Variants in CMC2 observed in about 807,000 individuals in gnomAD.
The protein encoded by CMC2 is COX assembly mitochondrial protein 2 homolog.
In CMC2, 5 loss-of-function variants were observed where a neutral mutation model predicts 7.5. The observed-to-expected ratio is 0.66, with a 90% confidence interval of 0.35 to 1.40. The LOEUF is 1.40. Among genes scored for constraint, CMC2 ranks in the 40% most tolerant of loss-of-function variants. The pLI, the probability that CMC2 is intolerant of heterozygous loss-of-function variation, is 0.04. For missense variants in CMC2, 115 were observed against 92.3 expected (o/e 1.25, Z -1.01); for synonymous variants, 37 against 31.4 (o/e 1.18, Z -0.60).
rs937285394 is a variant in CMC2, at chr16:80,973,152, G to A, written c.*2941C>T. ...CATGGAATAAGATGCAGCCACCCCT[G>A]GGACTGGCTTCCTCTATGGAAAGGC... On this transcript the variant is annotated 3_prime_UTR_variant, in exon 4 of 4. Coordinates refer to ENST00000219400, the MANE Select transcript of CMC2 (RefSeq NM_020188.5). 2 of 152,302 alleles carry A rather than the reference G, an allele frequency of 1.3e-5. No homozygotes were observed. The highest frequency in any genetic ancestry group is 2.9e-5 in the Non-Finnish European group (2 of 68,110). 9.4% of individuals were successfully genotyped at this position (152,302 alleles called of 1,614,324 possible). A position where few individuals can be genotyped will look rare whatever the true frequency, so the allele number is the denominator to read the frequency against.
intron 2 of CMC2, among the ~76,000 whole-genome samples, chr16:80,994,807 C>G (rs1460363402): frequency 1.3e-5 from 2 of 152,160 alleles, no homozygotes; most frequent in African/African-American, 4.8e-5. Context: ...TCATTCCATT[C>G]CTAGGTATTT....
intron 1 of CMC2, among the ~76,000 whole-genome samples, chr16:81,005,223 C>G (rs982763486): frequency 2.0e-5 from 3 of 152,172 alleles, no homozygotes; most frequent in Admixed American, 6.5e-5. Context: ...GAGGTCAGGA[C>G]AAGCCTGGCC....
Position 80,966,522 on chromosome 16 carries a change from GA to G in CMC2, c.*9570del, listed in dbSNP as rs1203715802. The stretch of plus-strand genomic sequence containing the variant: ...TTGTATCTTGTTTTGGTCTTAGGTT[GA>G]AAATCTTGGTTTCTACTGACACTAA... On this transcript the variant is annotated 3_prime_UTR_variant, in exon 4 of 4. Transcript: ENST00000219400. The G allele has an allele frequency of 2.0e-5, 3 of 152,114 alleles. No homozygotes were observed. The highest frequency in any genetic ancestry group is 4.4e-5 in the Non-Finnish European group (3 of 68,018). The allele number at this position is 152,114 out of a possible 1,614,324, so 9.4% of individuals were successfully genotyped here.
chr16:80,991,826 G>A (rs910769845), intron 2 of CMC2: 1 of 406,460 alleles, frequency 2.5e-6, no homozygotes, highest in African/African-American at 2.1e-5. Flanking sequence ...TCAAACAGAG[G>A]AGCATTCTAC....
At chr16:80,989,775 G>A (rs1256592741) in intron 2 of CMC2, among the ~76,000 whole-genome samples, 4 of 152,106 alleles carry the variant, frequency 2.6e-5, no homozygotes, top group East Asian at 1.9e-4. Context: ...CAACATCACA[G>A]GATACATCCT....
intron 2 of CMC2, among the ~76,000 whole-genome samples, chr16:80,988,290 C>G (rs77739866): frequency 0.037 from 5,657 of 152,236 alleles, 342 homozygotes; most frequent in African/African-American, 0.12. Context: ...CATGGTCTCA[C>G]TCCGTTGCCC....
Position 80,975,998 on chromosome 16 carries a change from A to G in CMC2, c.*95T>C. ...CTCTCACAGGTCACTTTCCATTCAA[A>G]GGATTATGGAGACCAAATAAGACAG... On this transcript the variant is annotated 3_prime_UTR_variant, in exon 4 of 4. Coordinates refer to ENST00000219400, the MANE Select transcript of CMC2 (RefSeq NM_020188.5). 1 of 717,338 alleles carries G rather than the reference A, an allele frequency of 1.4e-6. No individual in the cohort carries two copies. The highest frequency in any genetic ancestry group is 2.5e-6 in the Non-Finnish European group (1 of 406,508). 44.4% of individuals were successfully genotyped at this position (717,338 alleles called of 1,614,324 possible).
intron 3 of CMC2, among the ~76,000 whole-genome samples, chr16:80,980,022 G>C (rs974089573): frequency 6.7e-6 from 1 of 150,096 alleles, no homozygotes; most frequent in Admixed American, 6.6e-5. Flanking sequence ...GGGCTCAAGC[G>C]ATCCTCCCGC....
intron 3 of CMC2, among the ~76,000 whole-genome samples, chr16:80,977,369 A>G (rs372268926): frequency 2.6e-5 from 4 of 152,332 alleles, no homozygotes; most frequent in African/African-American, 9.6e-5. Context: ...ATATATGTAC[A>G]TGCTTATAAT....
At chr16:81,003,989 G>A (rs1191241101) in intron 1 of CMC2, among the ~76,000 whole-genome samples, 1 of 152,210 alleles carries the variant, frequency 6.6e-6, no homozygotes, top group Non-Finnish European at 1.5e-5. Context: ...TTGGCAGGCC[G>A]AGGTGGGCAG....
chr16:80,994,958 C>T (rs1350832429), intron 2 of CMC2, among the ~76,000 whole-genome samples: 2 of 151,960 alleles, frequency 1.3e-5, no homozygotes, highest in Non-Finnish European at 2.9e-5. Flanking sequence ...CCAGCCTGAC[C>T]AACATAATGA....
chr16:81,004,365 A>C (rs1001236210), intron 1 of CMC2, among the ~76,000 whole-genome samples: 1 of 152,198 alleles, frequency 6.6e-6, no homozygotes, highest in Non-Finnish European at 1.5e-5. Flanking sequence ...ATAATATTTA[A>C]TTCCAGTGCA....
At position 80,970,939 on chromosome 16, in the gene CMC2, C is replaced by T. The variant is rs1029814355; in HGVS notation, c.*5154G>A. Reference sequence around the variant, plus strand: ...ACTATTTTAAAAATCATAAAATTTTCCAGCCTGGACATGGTGAAACCCTAT... The same window carrying T: ...ACTATTTTAAAAATCATAAAATTTTTCAGCCTGGACATGGTGAAACCCTAT... On this transcript the variant is annotated 3_prime_UTR_variant, in exon 4 of 4. Coordinates refer to ENST00000219400, the MANE Select transcript of CMC2 (RefSeq NM_020188.5). 5.3e-5 allele frequency: 8 copies of T among 152,026 alleles called. No individual in the cohort carries two copies. Among genetic ancestry groups the T allele is most frequent in the African/African-American group, 1.9e-4 (8 of 41,378 alleles). The allele number at this position is 152,026 out of a possible 1,614,324, so 9.4% of individuals were successfully genotyped here. A position where few individuals can be genotyped will look rare whatever the true frequency, so the allele number is the denominator to read the frequency against.
At chr16:80,978,163 A>G (rs1163923138) in intron 3 of CMC2, 6 of 541,806 alleles carry the variant, frequency 1.1e-5, no homozygotes, top group Non-Finnish European at 1.4e-5. Flanking sequence ...TACTCATAAA[A>G]TTGTTGGGGA....
rs994537449 is a variant in CMC2 at position 80,971,904 on chromosome 16, G to C, written c.*4189C>G. The C allele has an allele frequency of 2.6e-5, 4 of 152,064 alleles. No homozygotes were observed. Among genetic ancestry groups the C allele is most frequent in the Admixed American group, 2.0e-4 (3 of 15,272 alleles). 9.4% of individuals were successfully genotyped at this position (152,064 alleles called of 1,614,324 possible). On this transcript the variant is annotated 3_prime_UTR_variant, in exon 4 of 4. Transcript: ENST00000219400. ...CAGGATTTGGGCAATCTTCCCTTTT[G>C]CTCACTTCAGACGTGGTATACACTC...
At position 80,971,989 on chromosome 16, in the gene CMC2, C is replaced by T. The variant is rs1224542116; in HGVS notation, c.*4104G>A. The T allele has an allele frequency of 6.6e-6, 1 of 152,332 alleles. No individual in the cohort carries two copies. Among genetic ancestry groups the T allele is most frequent in the Non-Finnish European group, 1.5e-5 (1 of 68,152 alleles). 9.4% of individuals were successfully genotyped at this position (152,332 alleles called of 1,614,324 possible). ...GCCACCTGTCTCTGCTCTCCCCTCC[C>T]TACTGTCAGTCTTGTTCTCCATCTC... On this transcript the variant is annotated 3_prime_UTR_variant, in exon 4 of 4. Transcript: ENST00000219400.
At chr16:80,990,413 G>A (rs1291692030) in intron 2 of CMC2, among the ~76,000 whole-genome samples, 3 of 152,042 alleles carry the variant, frequency 2.0e-5, no homozygotes, top group African/African-American at 4.8e-5. Flanking sequence ...CAAGTGATCT[G>A]CCCGCCATGG....
chr16:80,979,381 G>A (rs1302673931), intron 3 of CMC2, among the ~76,000 whole-genome samples: 5 of 151,808 alleles, frequency 3.3e-5, no homozygotes, highest in Non-Finnish European at 7.4e-5. Context: ...TATCTCCAAC[G>A]GTCTACCAAA....
Position 80,972,575 on chromosome 16 carries a change from G to C in CMC2, c.*3518C>G, listed in dbSNP as rs1054192839. On this transcript the variant is annotated 3_prime_UTR_variant, in exon 4 of 4. Transcript: ENST00000219400. ...TCTAGCCTCACTCTTAAGTAAAATT[G>C]TGTAGTGCTTCCTAAAATAAACCAT... The C allele has an allele frequency of 6.6e-6, 1 of 152,128 alleles. No homozygotes were observed. The highest frequency in any genetic ancestry group is 1.5e-5 in the Non-Finnish European group (1 of 68,032). 9.4% of individuals were successfully genotyped at this position (152,128 alleles called of 1,614,324 possible). A position where few individuals can be genotyped will look rare whatever the true frequency, so the allele number is the denominator to read the frequency against.
Sources: gnomAD v4.1 joint callset for allele counts (sites outside exome capture counted in the v4.1 genomes callset) on GRCh38, gnomAD v4.1.1 for gene constraint, MANE v1.5 for transcripts, NCBI Gene and HGNC (gene_info 2026-07-23, HGNC 2026-07-21) for gene names.